KCTD16: variants seen among roughly 807,000 people sequenced by gnomAD.
The protein encoded by KCTD16 is potassium channel tetramerization domain containing 16.
In KCTD16, 13 loss-of-function variants were observed where a neutral mutation model predicts 33.2. The ratio of observed to expected loss-of-function variants is 0.39; its 90% CI spans 0.25 to 0.62. The LOEUF (loss-of-function observed/expected upper bound fraction) is 0.62. Ranked by LOEUF, KCTD16 falls within the 20% of genes least tolerant of loss-of-function variation. KCTD16 has a pLI of 0.50. For synonymous variants in KCTD16, 197 were observed against 195.3 expected, an observed-to-expected ratio of 1.01 and a Z score of -0.07; for missense variants, 441 against 525.1, an observed-to-expected ratio of 0.84 and a Z score of 1.57.
At chr5:144,384,566 C>T (rs1752283797) in intron 3 of KCTD16, among the ~76,000 whole-genome samples, 1 of 152,026 alleles carries the variant, frequency 6.6e-6, no homozygotes, top group Non-Finnish European at 1.5e-5. Context: ...TGTTTTATTA[C>T]ATCTTCCAAA....
intron 3 of KCTD16, among the ~76,000 whole-genome samples, chr5:144,446,008 A>T (rs755217141): frequency 5.3e-5 from 8 of 151,898 alleles, no homozygotes; most frequent in African/African-American, 7.2e-5. Flanking sequence ...AAGTGCTTTA[A>T]GTCCTACTTT....
chr5:144,465,984 G>A (rs143178631), intron 3 of KCTD16, among the ~76,000 whole-genome samples: 1,940 of 151,802 alleles, frequency 0.013, 36 homozygotes, highest in African/African-American at 0.043. Context: ...GATTACAGGC[G>A]TCTGCCACCA....
intron 3 of KCTD16, among the ~76,000 whole-genome samples, chr5:144,352,842 A>C (rs1303264263): frequency 6.6e-6 from 1 of 152,168 alleles, no homozygotes; most frequent in Non-Finnish European, 1.5e-5. Context: ...CTCATTTTTC[A>C]GCCATTTATT....
chr5:144,333,240 T>C (rs1330561744), intron 3 of KCTD16, among the ~76,000 whole-genome samples: 5 of 152,172 alleles, frequency 3.3e-5, no homozygotes, highest in Non-Finnish European at 1.5e-5. Context: ...AGATTATTAA[T>C]ATAAGAACAT....
At chr5:144,204,027 C>T (rs1466277424) in intron 2 of KCTD16, among the ~76,000 whole-genome samples, 1 of 152,094 alleles carries the variant, frequency 6.6e-6, no homozygotes, top group African/African-American at 2.4e-5. Context: ...CATTAGTTAA[C>T]GAAACAAAGT....
intron 3 of KCTD16, among the ~76,000 whole-genome samples, chr5:144,420,965 G>A (rs1580951276): frequency 1.3e-5 from 2 of 152,114 alleles, no homozygotes; most frequent in East Asian, 3.9e-4. Context: ...GAGGAAATCA[G>A]ATTTATGTAA....
intron 3 of KCTD16, among the ~76,000 whole-genome samples, chr5:144,370,243 A>G (rs756031751): frequency 3.9e-5 from 6 of 152,148 alleles, no homozygotes; most frequent in Non-Finnish European, 8.8e-5. Flanking sequence ...GAGGGGGTAG[A>G]AGGGGTAGAA....
At chr5:144,361,297 TG>T (rs1394927202) in intron 3 of KCTD16, among the ~76,000 whole-genome samples, 1 of 152,174 alleles carries the variant, frequency 6.6e-6, no homozygotes, top group South Asian at 2.1e-4. Context: ...ATGGGATTGC[TG>T]GGTCAAATGG....
At position 144,473,722 on chromosome 5, in the gene KCTD16, AAAG is replaced by A. The variant is rs1561621340; in HGVS notation, c.899_901del (p.Glu300del). The A allele has an allele frequency of 3.1e-6, 5 of 1,611,900 alleles. No individual in the cohort carries two copies. The highest frequency in any genetic ancestry group is 4.2e-6 in the Non-Finnish European group (5 of 1,178,086). On this transcript the variant is annotated inframe_deletion, in exon 4 of 4. Coordinates refer to ENST00000512467, the MANE Select transcript of KCTD16 (RefSeq NM_020768.4). ...CTGCTGCAAGAATGGCAAAGGTGAC[AAAG>A]AAGGGGAGAGCGGCACGTCTTGCAA...
At chr5:144,372,642 G>T (rs1021744461) in intron 3 of KCTD16, among the ~76,000 whole-genome samples, 13 of 152,172 alleles carry the variant, frequency 8.5e-5, no homozygotes, top group Non-Finnish European at 1.8e-4. Context: ...AGGGTGAAGA[G>T]GTACTGACTG....
intron 2 of KCTD16, among the ~76,000 whole-genome samples, chr5:144,200,877 T>C (rs1753031739): frequency 6.6e-6 from 1 of 152,086 alleles, no homozygotes; most frequent in Admixed American, 6.6e-5. Context: ...GCTGGGACTA[T>C]AGGAATGCAC....
At chr5:144,250,636 A>G (rs1165602784) in intron 3 of KCTD16, among the ~76,000 whole-genome samples, 1 of 152,184 alleles carries the variant, frequency 6.6e-6, no homozygotes, top group African/African-American at 2.4e-5. Flanking sequence ...GATGCAGCCT[A>G]GAGTGTATGG....
chr5:144,440,559 C>T (rs1580966990), intron 3 of KCTD16, among the ~76,000 whole-genome samples: 1 of 151,750 alleles, frequency 6.6e-6, no homozygotes, highest in East Asian at 1.9e-4. Context: ...TGGCATGGTT[C>T]AGCAACTCAC....
At chr5:144,278,651 C>T (rs1016998177) in intron 3 of KCTD16, among the ~76,000 whole-genome samples, 6 of 151,606 alleles carry the variant, frequency 4.0e-5, no homozygotes, top group Non-Finnish European at 7.4e-5. Flanking sequence ...GCGCCCGCCA[C>T]CGCGCCCGGC....
At position 144,482,768 on chromosome 5, in the gene KCTD16, T is replaced by C. The variant is rs1754730204; in HGVS notation, c.*8654T>C. On this transcript the variant is annotated 3_prime_UTR_variant, in exon 4 of 4. Transcript: ENST00000512467. ...AAAATTATGTATATATATGTACATA[T>C]GTGTGTACATCTATCTTAATGTGTA... 6.6e-6 allele frequency: 1 copy of C among 151,834 alleles called. No homozygotes were observed. The highest frequency in any genetic ancestry group is 6.6e-5 in the Admixed American group (1 of 15,206). 9.4% of individuals were successfully genotyped at this position (151,834 alleles called of 1,614,324 possible).
chr5:144,253,989 C>T (rs769323635), intron 3 of KCTD16, among the ~76,000 whole-genome samples: 20 of 152,108 alleles, frequency 1.3e-4, no homozygotes, highest in Admixed American at 4.6e-4. Context: ...TGTTGACTCC[C>T]GCATGGGACT....
intron 3 of KCTD16, among the ~76,000 whole-genome samples, chr5:144,418,236 G>C (rs1012583000): frequency 1.3e-5 from 2 of 152,182 alleles, no homozygotes; most frequent in Non-Finnish European, 2.9e-5. Context: ...ATTACAAAGA[G>C]CAAAAGAACA....
chr5:144,328,512 T>A (rs552394779), intron 3 of KCTD16, among the ~76,000 whole-genome samples: 133 of 149,190 alleles, frequency 8.9e-4, no homozygotes, highest in African/African-American at 2.8e-3. Context: ...CTTTTTTTTT[T>A]ATTTTTTTTA....
At chr5:144,232,344 A>G (rs1379416335) in intron 3 of KCTD16, among the ~76,000 whole-genome samples, 1 of 152,248 alleles carries the variant, frequency 6.6e-6, no homozygotes. Context: ...TTACGACAAC[A>G]GTAATAGTTA....
Sources: gnomAD v4.1 joint callset for allele counts (sites outside exome capture counted in the v4.1 genomes callset) on GRCh38, gnomAD v4.1.1 for gene constraint, MANE v1.5 for transcripts, NCBI Gene and HGNC (gene_info 2026-07-23, HGNC 2026-07-21) for gene names.